CABLES1: variants seen among roughly 807,000 people sequenced by gnomAD.
CABLES1 encodes CDK5 and ABL1 enzyme substrate 1.
Under a neutral mutation model 57.8 loss-of-function variants are expected in CABLES1, and 36 were observed. The observed-to-expected ratio is 0.62, with a 90% CI of 0.48 to 0.82. CABLES1 has a LOEUF of 0.82. Ranked by LOEUF, CABLES1 falls within the 40% of genes least tolerant of loss-of-function variation. The pLI is 0.00. For missense variants in CABLES1, 767 were observed against 836.6 expected, an observed-to-expected ratio of 0.92 and a Z score of 1.03; for synonymous variants, 374 against 363.0, an observed-to-expected ratio of 1.03 and a Z score of -0.35.
intron 1 of CABLES1, among the ~76,000 whole-genome samples, chr18:23,148,075 C>T (rs1025782814): frequency 4.0e-5 from 6 of 151,142 alleles, no homozygotes; most frequent in Admixed American, 6.6e-5. Context: ...CTGCAGGCTC[C>T]GCCTCCTGGA....
chr18:23,255,176 T>C (rs1013440421), intron 9 of CABLES1, among the ~76,000 whole-genome samples: 1 of 152,010 alleles, frequency 6.6e-6, no homozygotes, highest in Non-Finnish European at 1.5e-5. Context: ...TCTGGATTGG[T>C]TGGTTTGCAT....
At chr18:23,134,793 G>C (rs187778039), upstream of CABLES1, 1 of 152,150 alleles carries the variant, frequency 6.6e-6, no homozygotes, top group African/African-American at 2.4e-5. Flanking sequence ...CATGGATTGG[G>C]GATGCGTGAG....
rs936075783 is a variant in CABLES1, at chr18:23,145,390, G to A, written c.845+8783G>A. Among the ~76,000 whole-genome samples the A allele has an allele frequency of 2.0e-5, 3 of 152,118 alleles. No homozygotes were observed. The East Asian group carries it at 5.8e-4, about 29-fold the overall frequency. ...TTACAGGTGTGAGCCACTGTGCCTGGCTCACACATCCTTTTTGTCCTGTTC... is the reference window on the plus strand; with the variant it reads ...TTACAGGTGTGAGCCACTGTGCCTGACTCACACATCCTTTTTGTCCTGTTC... On this transcript the variant is annotated intron_variant, in intron 1 of 9. Coordinates refer to ENST00000256925, the MANE Select transcript of CABLES1 (RefSeq NM_001100619.3).
At chr18:23,248,232 C>T (rs554822130) in intron 7 of CABLES1, among the ~76,000 whole-genome samples, 6 of 152,286 alleles carry the variant, frequency 3.9e-5, no homozygotes, top group East Asian at 3.9e-4. Context: ...GATCGGATAT[C>T]GTCAGTGCCT....
chr18:23,156,604 C>T (rs1451880287), intron 1 of CABLES1, among the ~76,000 whole-genome samples: 2 of 152,186 alleles, frequency 1.3e-5, no homozygotes, highest in Admixed American at 6.5e-5. Flanking sequence ...TCCATTGCTC[C>T]GGAGGCAAAT....
chr18:23,174,137 C>T (rs554558506), intron 1 of CABLES1, among the ~76,000 whole-genome samples: 8 of 152,248 alleles, frequency 5.3e-5, no homozygotes, highest in South Asian at 4.1e-4. Flanking sequence ...CAGCTTCTGG[C>T]AACCACGAAT....
At chr18:23,169,073 A>G (rs750893518) in intron 1 of CABLES1, among the ~76,000 whole-genome samples, 3 of 152,340 alleles carry the variant, frequency 2.0e-5, no homozygotes, top group Middle Eastern at 3.4e-3. Context: ...CACCAAAACC[A>G]AAATGGCCAC....
chr18:23,167,745 A>C (rs1402999110), intron 1 of CABLES1, among the ~76,000 whole-genome samples: 1 of 52,780 alleles, frequency 1.9e-5, no homozygotes, highest in African/African-American at 7.4e-5. Context: ...GTCTGTGAGC[A>C]GGGAGGGGTG....
intron 6 of CABLES1, 136 bp downstream of exon 6, chr18:23,236,187 TC>T: frequency 9.7e-6 from 9 of 930,606 alleles, no homozygotes; most frequent in Non-Finnish European, 1.4e-5. Flanking sequence ...GAAAGCCTGA[TC>T]TCAAGCCATG....
chr18:23,237,282 C>T (rs370033761), intron 7 of CABLES1, 37 bp downstream of exon 7: 83 of 1,388,964 alleles, frequency 6.0e-5, no homozygotes, highest in Middle Eastern at 1.8e-4. Context: ...TTTGCTGCAC[C>T]GTCAGTTGCC....
chr18:23,234,505 C>A, intron 4 of CABLES1, 103 bp from the exon 5 acceptor site: 1 of 861,204 alleles, frequency 1.2e-6, no homozygotes, highest in African/African-American at 1.7e-5. Flanking sequence ...CTCACCTGGT[C>A]ATTTTCATCG....
chr18:23,237,204 T>C lies in CABLES1; in HGVS notation c.1405T>C (p.Cys469Arg), dbSNP rs776943205. 2 of 1,613,946 alleles carry C rather than the reference T, an allele frequency of 1.2e-6. No individual in the cohort carries two copies. Among genetic ancestry groups the C allele is most frequent in the South Asian group, 2.2e-5 (2 of 91,082 alleles). ...TCTCTTGGATGACCCCCAGTGGCCT[T>C]GTGGCAAACACAAACGCGTTCTGAT... ...PNLLDDPQWP[C>R]GKHKRVLIFP... Residue 469 changes from cysteine (C) to arginine (R), a missense_variant, in exon 7 of 10, where the codon TGT becomes CGT. Cys to Arg is a radical substitution (Grantham distance 180). Transcript: ENST00000256925.
chr18:23,188,996 A>T, intron 2 of CABLES1, 87 bp downstream of exon 2: 2 of 854,538 alleles, frequency 2.3e-6, no homozygotes, highest in Non-Finnish European at 3.7e-6. Context: ...CTTGATCTAT[A>T]GAATTAAATT....
rs556017197 is a variant in CABLES1, at chr18:23,189,212, C to T, written c.917+303C>T. On this transcript the variant is annotated intron_variant, in intron 2 of 9. Coordinates refer to ENST00000256925, the MANE Select transcript of CABLES1 (RefSeq NM_001100619.3). ...ATGGAACAAGAGCCCAGCATTGTCC[C>T]GGCCTATCCCCCAGGTGCAGTCACA... 17 of 319,068 alleles carry T rather than the reference C, an allele frequency of 5.3e-5. No homozygotes were observed. The Admixed American group carries it at 7.1e-4, about 13-fold the overall frequency. The allele number at this position is 319,068 out of a possible 1,614,324, so 19.8% of individuals were successfully genotyped here. A position where few individuals can be genotyped will look rare whatever the true frequency, so the allele number is the denominator to read the frequency against.
intron 1 of CABLES1, among the ~76,000 whole-genome samples, chr18:23,184,315 G>A (rs902298572): frequency 2.2e-4 from 29 of 134,430 alleles, no homozygotes; most frequent in African/African-American, 7.6e-4. Flanking sequence ...GCACGTGTGT[G>A]TGTGTGTGTG....
intron 5 of CABLES1, 84 bp from the exon 6 acceptor site, chr18:23,235,811 G>A: frequency 7.7e-7 from 1 of 1,295,418 alleles, no homozygotes; most frequent in Non-Finnish European, 1.1e-6. Flanking sequence ...CCTGAATGTG[G>A]GGTGACAACT....
At chr18:23,155,763 A>C in intron 1 of CABLES1, 1 of 1,457,956 alleles carries the variant, frequency 6.9e-7, no homozygotes, top group Non-Finnish European at 9.1e-7. Context: ...CTATGGCTTT[A>C]AGAAAATGGC....
rs1414199852 is a variant in CABLES1 at position 23,194,510 on chromosome 18, A to G, written c.980A>G (p.Asn327Ser). 6.2e-7 allele frequency: 1 copy of G among 1,613,172 alleles called. No individual in the cohort carries two copies. Residue 327 changes from asparagine (N) to serine (S), a missense_variant, in exon 3 of 10, where the codon AAC (asparagine) becomes AGC (serine). Transcript: ENST00000256925. ...KNFKKIHFIK[N>S]MRQHDTRNGR... The stretch of plus-strand genomic sequence containing the variant: ...TTTAAGAAGATTCATTTTATCAAGA[A>G]CATGCGGCAACACGATACCAGGAAT...
At chr18:23,146,539 T>C (rs1335545335) in intron 1 of CABLES1, among the ~76,000 whole-genome samples, 3 of 152,194 alleles carry the variant, frequency 2.0e-5, no homozygotes, top group African/African-American at 7.2e-5. Flanking sequence ...ATTTTATTTA[T>C]TGAGTTGAAT....
Sources: gnomAD v4.1 joint callset for allele counts (sites outside exome capture counted in the v4.1 genomes callset) on GRCh38, gnomAD v4.1.1 for gene constraint, MANE v1.5 for transcripts, NCBI Gene and HGNC (gene_info 2026-07-23, HGNC 2026-07-21) for gene names.